Variants in STS observed in about 807,000 individuals in gnomAD.
STS encodes the protein steroid sulfatase.
In STS, 7 loss-of-function variants were observed where a neutral mutation model predicts 26.8. That is an observed-to-expected ratio of 0.26 (90% confidence interval 0.15 to 0.49). The LOEUF (loss-of-function observed/expected upper bound fraction) is 0.49. Ranked by LOEUF, STS falls within the 20% of genes least tolerant of loss-of-function variation. The pLI, the probability that STS is intolerant of heterozygous loss-of-function variation, is 0.98. For missense variants in STS, 434 were observed against 465.6 expected (o/e 0.93, Z 0.63); for synonymous variants, 199 against 189.4 (o/e 1.05, Z -0.42).
intron 1 of STS, among the ~76,000 whole-genome samples, chrX:7,154,524 G>A (rs1345340269): frequency 8.9e-6 from 1 of 112,163 alleles, no homozygotes; most frequent in Non-Finnish European, 1.9e-5. Flanking sequence ...AACTTTGCAA[G>A]GTAAACAATG....
intron 10 of STS, among the ~76,000 whole-genome samples, chrX:7,344,039 G>A (rs1192258533): frequency 8.9e-6 from 1 of 111,963 alleles, no homozygotes; most frequent in Admixed American, 9.4e-5. Context: ...TGGGACTTGT[G>A]AGGATTGTCT....
chrX:7,251,798 T>C (rs1240962658), intron 2 of STS, among the ~76,000 whole-genome samples: 2 of 110,076 alleles, frequency 1.8e-5, no homozygotes, highest in African/African-American at 6.6e-5. Flanking sequence ...CTCTAAAAAA[T>C]AAAAATAAAA....
chrX:7,169,896 G>T (rs1474806585), intron 1 of STS, among the ~76,000 whole-genome samples: 1 of 108,457 alleles, frequency 9.2e-6, no homozygotes, highest in Non-Finnish European at 1.9e-5. Context: ...TTGTTGGTGG[G>T]GGGGGCTGGG....
intron 2 of STS, among the ~76,000 whole-genome samples, chrX:7,218,259 C>T (rs1301337275): frequency 8.9e-6 from 1 of 112,508 alleles, no homozygotes; most frequent in Non-Finnish European, 1.9e-5. Context: ...TTTATTTTAA[C>T]TTTGCATTAA....
At chrX:7,302,564 A>T (rs1220277950) in intron 7 of STS, among the ~76,000 whole-genome samples, 2 of 111,725 alleles carry the variant, frequency 1.8e-5, no homozygotes, top group Non-Finnish European at 3.8e-5. Flanking sequence ...GGTTCTGGGA[A>T]TGTTTATCAT....
At chrX:7,238,097 T>C (rs1341117598) in intron 2 of STS, among the ~76,000 whole-genome samples, 1 of 105,674 alleles carries the variant, frequency 9.5e-6, no homozygotes, top group East Asian at 3.0e-4. Flanking sequence ...GCCCATTCTT[T>C]TTTATGGCTG....
In STS at chrX:7,261,503, A is replaced by G. The variant is rs370343301; in HGVS notation, c.806+1731A>G. Among the ~76,000 whole-genome samples the G allele has an allele frequency of 4.5e-5, 5 of 112,009 alleles. No homozygotes were observed. The East Asian group carries it at 8.4e-4, about 19-fold the overall frequency. ...ATAAGTTAGGGCTGGTGAGAAAGGT[A>G]AAAGGTAACGTACTCTATGAAAATT... On this transcript the variant is annotated intron_variant, in intron 6 of 10. Transcript: ENST00000674429.
chrX:7,330,574 G>A (rs1927698938), intron 9 of STS, among the ~76,000 whole-genome samples: 2 of 112,515 alleles, frequency 1.8e-5, no homozygotes, highest in South Asian at 7.3e-4. Context: ...ACACACTTTT[G>A]TCTAATGGAG....
At chrX:7,218,827 A>T (rs1019972503) in intron 2 of STS, among the ~76,000 whole-genome samples, 1 of 111,779 alleles carries the variant, frequency 8.9e-6, no homozygotes, top group African/African-American at 3.3e-5. Flanking sequence ...TTGTTTTGTC[A>T]TGGTTGCTGA....
intron 10 of STS, among the ~76,000 whole-genome samples, chrX:7,342,068 C>T (rs1928313720): frequency 9.0e-6 from 1 of 111,726 alleles, no homozygotes; most frequent in African/African-American, 3.3e-5. Context: ...CCGCCTCGGC[C>T]TCCCAAAGTG....
intron 7 of STS, among the ~76,000 whole-genome samples, chrX:7,280,120 A>G (rs1924788905): frequency 8.9e-6 from 1 of 112,113 alleles, no homozygotes; most frequent in Non-Finnish European, 1.9e-5. Flanking sequence ...GATCTAGTTC[A>G]TTCATTAGTC....
intron 2 of STS, among the ~76,000 whole-genome samples, chrX:7,220,925 C>T (rs1201456666): frequency 5.4e-5 from 6 of 111,483 alleles, no homozygotes; most frequent in Middle Eastern, 4.2e-3. Context: ...CCTCTTAAAT[C>T]GCAGGGATCT....
chrX:7,170,810 C>G (rs1363421550), intron 1 of STS, among the ~76,000 whole-genome samples: 1 of 110,533 alleles, frequency 9.0e-6, no homozygotes, highest in African/African-American at 3.3e-5. Context: ...AATAAAATGT[C>G]CTAGAGTCGC....
chrX:7,217,484 A>C (rs1160027720), intron 2 of STS, among the ~76,000 whole-genome samples: 8 of 111,825 alleles, frequency 7.2e-5, no homozygotes. Flanking sequence ...CCTCCTGAGC[A>C]TGTCGGCCCC....
intron 2 of STS, among the ~76,000 whole-genome samples, chrX:7,198,522 C>T (rs1030767802): frequency 1.8e-5 from 2 of 111,652 alleles, no homozygotes; most frequent in Admixed American, 9.5e-5. Flanking sequence ...AAACTTGTGG[C>T]GAATTTGTTG....
chrX:7,284,636 C>T (rs1403178936), intron 7 of STS, among the ~76,000 whole-genome samples: 2 of 112,161 alleles, frequency 1.8e-5, no homozygotes, highest in Non-Finnish European at 3.8e-5. Context: ...TTTAAACATG[C>T]GCTTCATAGA....
intron 1 of STS, among the ~76,000 whole-genome samples, chrX:7,172,722 C>T (rs187656963): frequency 9.0e-6 from 1 of 111,338 alleles, no homozygotes; most frequent in East Asian, 2.9e-4. Flanking sequence ...GAGAAGAAAT[C>T]CAAAGCAGTA....
chrX:7,246,884 C>A (rs751003595), intron 2 of STS, among the ~76,000 whole-genome samples: 1 of 112,807 alleles, frequency 8.9e-6, no homozygotes, highest in Admixed American at 9.3e-5. Flanking sequence ...GATGCAAGGC[C>A]TACGCCAGGG....
intron 2 of STS, among the ~76,000 whole-genome samples, chrX:7,211,075 T>C (rs1921015029): frequency 8.9e-6 from 1 of 111,992 alleles, no homozygotes; most frequent in Non-Finnish European, 1.9e-5. Context: ...GTAGTCACCA[T>C]GTTGTAGGAA....
Sources: allele counts gnomAD v4.1 joint callset (sites outside exome capture counted in the v4.1 genomes callset), GRCh38; gene constraint gnomAD v4.1.1; transcripts MANE v1.5; gene names NCBI Gene and HGNC (gene_info 2026-07-23, HGNC 2026-07-21).